TRIM33: variants seen among roughly 807,000 people sequenced by gnomAD.
TRIM33 encodes E3 ubiquitin-protein ligase TRIM33.
In TRIM33, 20 loss-of-function variants were observed where a neutral mutation model predicts 125.4. That is an observed-to-expected ratio of 0.16 (90% confidence interval 0.11 to 0.23). The LOEUF is 0.23. TRIM33 is among the 10% of genes least tolerant of loss of function. The probability of loss-of-function intolerance (pLI) is 1.00; values close to 1 mark genes in which losing one functional copy is unlikely to be tolerated. For synonymous variants in TRIM33, 564 were observed against 513.9 expected, an observed-to-expected ratio of 1.10 and a Z score of -1.32; for missense variants, 920 against 1,411.4, an observed-to-expected ratio of 0.65 and a Z score of 5.58.
chr1:114,398,898 C>CAAAAAAAAAA (rs372853872), intron 18 of TRIM33, among the ~76,000 whole-genome samples: 21 of 60,582 alleles, frequency 3.5e-4, no homozygotes, highest in African/African-American at 5.1e-4. Flanking sequence ...AACTTACCCT[C>CAAAAAAAAAA]AAAAAAAAAA....
At chr1:114,399,390 A>G in intron 18 of TRIM33, 67 bp downstream of exon 18, 1 of 1,496,274 alleles carries the variant, frequency 6.7e-7, no homozygotes, top group East Asian at 2.3e-5. Flanking sequence ...AAGTCAGCAG[A>G]AAAATAAAAC....
rs1222463485 is a variant in TRIM33 at position 114,417,375 on chromosome 1, T to C, written c.2061+4061A>G. Reference sequence around the variant, plus strand: ...TGTATTTCAATAAAAAAGTAGATGATACTTGCCTCTCCCTTTCTAAGTTTC... The same window carrying C: ...TGTATTTCAATAAAAAAGTAGATGACACTTGCCTCTCCCTTTCTAAGTTTC... On this transcript the variant is annotated intron_variant, in intron 11 of 19. Coordinates refer to ENST00000358465, the MANE Select transcript of TRIM33 (RefSeq NM_015906.4). Among the ~76,000 whole-genome samples, 3 of 152,224 alleles carry C rather than the reference T, an allele frequency of 2.0e-5. No individual in the cohort carries two copies. In the East Asian group the frequency reaches 5.8e-4, roughly 29 times the overall value.
chr1:114,482,802 T>C (rs1254638630), intron 1 of TRIM33, among the ~76,000 whole-genome samples: 2 of 152,180 alleles, frequency 1.3e-5, no homozygotes, highest in African/African-American at 4.8e-5. Context: ...CTGTCAGCCG[T>C]ATGAAGATGT....
intron 1 of TRIM33, among the ~76,000 whole-genome samples, chr1:114,509,901 CCCTAACTCTCAATTTCCTTCA>C (rs1653234868): frequency 6.6e-6 from 1 of 152,186 alleles, no homozygotes; most frequent in Non-Finnish European, 1.5e-5. Context: ...GCCCAGCTTT[CCCTAACTCTCAATTTCCTTCA>C]AAGTTCATTT....
chr1:114,480,521 T>TA lies in TRIM33; in HGVS notation c.527-16134dup, dbSNP rs34437164. On this transcript the variant is annotated intron_variant, in intron 1 of 19. Coordinates refer to ENST00000358465, the MANE Select transcript of TRIM33 (RefSeq NM_015906.4). Reference sequence around the variant, plus strand: ...GAAGTGAAAAGGCCCTGCCCCGCCTTAAAAAAAAAAAAAAAGAGAGATATC... The same window carrying TA: ...GAAGTGAAAAGGCCCTGCCCCGCCTTAAAAAAAAAAAAAAAAGAGAGATATC... Among the ~76,000 whole-genome samples, 171 of 108,594 alleles carry TA rather than the reference T, an allele frequency of 1.6e-3. 1 individual carries two copies. Among genetic ancestry groups the TA allele is most frequent in the East Asian group, 6.6e-3 (26 of 3,926 alleles). The allele number at this position is 108,594 out of a possible 152,430, so 71.2% of individuals were successfully genotyped here. A position where few individuals can be genotyped will look rare whatever the true frequency, so the allele number is the denominator to read the frequency against.
chr1:114,446,571 A>ATG (rs1648992042), intron 4 of TRIM33, among the ~76,000 whole-genome samples: 1 of 152,236 alleles, frequency 6.6e-6, no homozygotes, highest in African/African-American at 2.4e-5. Flanking sequence ...AATAAAGTAC[A>ATG]GCTTAAAAAG....
chr1:114,480,549 A>T (rs1313030621), intron 1 of TRIM33, among the ~76,000 whole-genome samples: 2 of 151,520 alleles, frequency 1.3e-5, no homozygotes, highest in Non-Finnish European at 2.9e-5. Context: ...GAGATATCAT[A>T]ATTGCAAGAG....
At chr1:114,429,186 A>G (rs1416734363) in intron 6 of TRIM33, among the ~76,000 whole-genome samples, 2 of 149,634 alleles carry the variant, frequency 1.3e-5, no homozygotes, top group Non-Finnish European at 3.0e-5. Flanking sequence ...TCTGCACAAG[A>G]GTACTTTTTT....
At chr1:114,439,468 C>CAAAA (rs59231995) in intron 4 of TRIM33, among the ~76,000 whole-genome samples, 6 of 45,970 alleles carry the variant, frequency 1.3e-4, no homozygotes, top group East Asian at 9.3e-4. Flanking sequence ...GACTCTGTAT[C>CAAAA]AAAAAAAAAA....
chr1:114,496,148 T>C (rs1273505205), intron 1 of TRIM33, among the ~76,000 whole-genome samples: 1 of 152,248 alleles, frequency 6.6e-6, no homozygotes, highest in Non-Finnish European at 1.5e-5. Context: ...CCCTCATATC[T>C]GCCCTACGGC....
chr1:114,407,231 T>G, intron 13 of TRIM33, 131 bp from the exon 14 acceptor site: 3 of 753,752 alleles, frequency 4.0e-6, no homozygotes, highest in Non-Finnish European at 2.1e-6. Flanking sequence ...TAAGGATACC[T>G]CATAATGTAG....
At chr1:114,498,798 T>C (rs1275033698) in intron 1 of TRIM33, among the ~76,000 whole-genome samples, 1 of 151,874 alleles carries the variant, frequency 6.6e-6, no homozygotes, top group Non-Finnish European at 1.5e-5. Context: ...CAAATAGTAA[T>C]AGTTCAATAA....
At chr1:114,428,722 A>T (rs555371192) in intron 6 of TRIM33, among the ~76,000 whole-genome samples, 11 of 152,354 alleles carry the variant, frequency 7.2e-5, no homozygotes, top group Non-Finnish European at 1.5e-4. Flanking sequence ...CATTTCTTTT[A>T]TAAAGCTTAG....
chr1:114,511,040 C>A lies in TRIM33; in HGVS notation c.37G>T (p.Gly13Cys). 7.6e-7 allele frequency: 1 copy of A among 1,313,836 alleles called. No homozygotes were observed. Among genetic ancestry groups the A allele is most frequent in the Non-Finnish European group, 9.7e-7 (1 of 1,029,364 alleles). The allele number at this position is 1,313,836 out of a possible 1,614,324, so 81.4% of individuals were successfully genotyped here. A position where few individuals can be genotyped will look rare whatever the true frequency, so the allele number is the denominator to read the frequency against. ...GGCGCGCTGCCGCTGCCCCCGCCGC[C>A]GCTCTCAGCCTCGCCGCCGCCTTTG... Reference protein sequence around the residue: ...ENKGGGEAESGGGGSGSAPVT... With the variant: ...ENKGGGEAESCGGGSGSAPVT... The change falls in exon 1 of 20, where the codon GGC (glycine) becomes TGC (cysteine). Residue 13 changes from glycine (G) to cysteine (C), a missense_variant. Physicochemically the swap from Gly to Cys is radical, Grantham distance 159 (BLOSUM62 -3). Around this residue, in one of 8 missense-constraint regions of TRIM33, gnomAD observed 233 missense variants for 189.6 expected, o/e 1.23. Transcript: ENST00000358465.
In TRIM33 at chr1:114,421,486, C is replaced by G; in HGVS notation, c.2011G>C (p.Val671Leu). The G allele has an allele frequency of 6.2e-7, 1 of 1,614,070 alleles. No homozygotes were observed. The highest frequency in any genetic ancestry group is 8.5e-7 in the Non-Finnish European group (1 of 1,180,010). ...GATGGAAGGTTTTCTGGATTGGTAACTGAGGGGATTAGCTCTATTGCTGTA... is the reference window on the plus strand; with the variant it reads ...GATGGAAGGTTTTCTGGATTGGTAAGTGAGGGGATTAGCTCTATTGCTGTA... ...SVTAIELIPS[V>L]TNPENLPSLP... The change falls in exon 11 of 20, where the codon GTT becomes CTT. Residue 671 changes from valine to leucine, a missense_variant. By Grantham distance (32) the Val-to-Leu change is conservative. Around this residue, in one of 8 missense-constraint regions of TRIM33, gnomAD observed 407 missense variants for 589.7 expected, o/e 0.69. Coordinates refer to ENST00000358465, the MANE Select transcript of TRIM33 (RefSeq NM_015906.4).
intron 2 of TRIM33, among the ~76,000 whole-genome samples, chr1:114,464,061 G>A (rs1650149862): frequency 6.6e-6 from 1 of 152,162 alleles, no homozygotes; most frequent in Non-Finnish European, 1.5e-5. Flanking sequence ...GAGCCACCAT[G>A]CCTGGCCCAA....
intron 1 of TRIM33, among the ~76,000 whole-genome samples, chr1:114,471,275 TACTAA>T (rs1650632995): frequency 6.6e-6 from 1 of 152,098 alleles, no homozygotes; most frequent in Admixed American, 6.5e-5. Flanking sequence ...GGTCAAACTC[TACTAA>T]AAATACAAAA....
chr1:114,414,770 A>G (rs771701426), intron 11 of TRIM33, among the ~76,000 whole-genome samples: 2 of 152,174 alleles, frequency 1.3e-5, no homozygotes, highest in South Asian at 2.1e-4. Flanking sequence ...AGACAAGTAC[A>G]AAGTACTCAA....
At position 114,394,537 on chromosome 1, in the gene TRIM33, A is replaced by T. The variant is rs1651443723; in HGVS notation, c.*3111T>A. The T allele has an allele frequency of 4.7e-6, 1 of 211,556 alleles. No homozygotes were observed. The highest frequency in any genetic ancestry group is 7.1e-5 in the East Asian group (1 of 14,084). The allele number at this position is 211,556 out of a possible 1,614,324, so 13.1% of individuals were successfully genotyped here. Reference sequence around the variant, plus strand: ...CATTATTTATTTCAATTAACTAAAAATTCCAAAACTTATCACAAAAAATGA... The same window carrying T: ...CATTATTTATTTCAATTAACTAAAATTTCCAAAACTTATCACAAAAAATGA... On this transcript the variant is annotated 3_prime_UTR_variant, in exon 20 of 20. Coordinates refer to ENST00000358465, the MANE Select transcript of TRIM33 (RefSeq NM_015906.4).
Sources: allele counts gnomAD v4.1 joint callset (sites outside exome capture counted in the v4.1 genomes callset), GRCh38; gene constraint gnomAD v4.1.1; regional missense constraint gnomAD v4.1.1; transcripts MANE v1.5; gene names NCBI Gene and HGNC (gene_info 2026-07-23, HGNC 2026-07-21).